ATXN10: variants seen among roughly 807,000 people sequenced by gnomAD.
The protein encoded by ATXN10 is ataxin 10, also known as ataxin-10.
Under a neutral mutation model 52.9 loss-of-function variants are expected in ATXN10, and 28 were observed. The observed-to-expected ratio is 0.53, with a 90% CI of 0.39 to 0.73. The LOEUF (loss-of-function observed/expected upper bound fraction) is 0.73, where lower values mean the gene tolerates loss of function less well. Ranked by LOEUF, ATXN10 falls within the 30% of genes least tolerant of loss-of-function variation. ATXN10 has a pLI of 0.00. For missense variants in ATXN10, 565 were observed against 577.0 expected (o/e 0.98, Z 0.21); for synonymous variants, 226 against 221.5 (o/e 1.02, Z -0.18).
At chr22:45,765,746 A>C (rs1224762141) in intron 9 of ATXN10, among the ~76,000 whole-genome samples, 2 of 152,200 alleles carry the variant, frequency 1.3e-5, no homozygotes, top group Non-Finnish European at 2.9e-5. Context: ...AGCCTACCTG[A>C]AAATTGTCCC....
At position 45,790,526 on chromosome 22, in the gene ATXN10, G is replaced by A. The variant is rs1927472401; in HGVS notation, c.1174-16433G>A. Among the ~76,000 whole-genome samples the A allele has an allele frequency of 6.6e-6, 1 of 152,204 alleles. No individual in the cohort carries two copies. Among genetic ancestry groups the A allele is most frequent in the African/African-American group, 2.4e-5 (1 of 41,456 alleles). On this transcript the variant is annotated intron_variant, in intron 9 of 11. Coordinates refer to ENST00000252934, the MANE Select transcript of ATXN10 (RefSeq NM_013236.4). The surrounding 1 kb of genome is among the most constrained non-coding windows in gnomAD (Gnocchi z 4.7). ...CCATAGCAGAAAGTCTGTGATATCT[G>A]AGGGAAAGATGGAGAAAGTCTTCAT...
In ATXN10 at chr22:45,743,284, C is replaced by G. The variant is rs1395659356; in HGVS notation, c.1173+2746C>G. On this transcript the variant is annotated intron_variant, in intron 9 of 11. Coordinates refer to ENST00000252934, the MANE Select transcript of ATXN10 (RefSeq NM_013236.4). ...ACGTGTGTCAACAAAAGGCCTGAACCTGAAAGCATTACCTCTGGGATTTTT... is the reference window on the plus strand; with the variant it reads ...ACGTGTGTCAACAAAAGGCCTGAACGTGAAAGCATTACCTCTGGGATTTTT... Among the ~76,000 whole-genome samples, 10 of 152,338 alleles carry G rather than the reference C, an allele frequency of 6.6e-5. No individual in the cohort carries two copies. In the East Asian group the frequency reaches 1.9e-3, roughly 29 times the overall value.
At chr22:45,801,349 T>A (rs185504735) in intron 9 of ATXN10, among the ~76,000 whole-genome samples, 7 of 152,332 alleles carry the variant, frequency 4.6e-5, no homozygotes, top group Admixed American at 3.9e-4. Context: ...CTGAGTTTTC[T>A]CTCTAGAGAG....
In ATXN10 at chr22:45,690,568, G is replaced by A. The variant is rs1054789061; in HGVS notation, c.308+665G>A. Reference sequence around the variant, plus strand: ...TATATGCAGTTCTTGACCTCAGGTTGTAAATGTTTTAATTACTTTTAATGT... The same window carrying A: ...TATATGCAGTTCTTGACCTCAGGTTATAAATGTTTTAATTACTTTTAATGT... On this transcript the variant is annotated intron_variant, in intron 2 of 11. Coordinates refer to ENST00000252934, the MANE Select transcript of ATXN10 (RefSeq NM_013236.4). This position sits in a 1 kb window ranked among gnomAD's most constrained non-coding sequence, Gnocchi z 4.5. 4.6e-5 allele frequency among the ~76,000 whole-genome samples: 7 copies of A among 152,266 alleles called. No individual in the cohort carries two copies. The highest frequency in any genetic ancestry group is 1.9e-4 in the East Asian group (1 of 5,192).
In ATXN10 at chr22:45,705,284, G is replaced by A. The variant is rs1923995455; in HGVS notation, c.647+2437G>A. Among the ~76,000 whole-genome samples, 1 of 152,018 alleles carries A rather than the reference G, an allele frequency of 6.6e-6. No individual in the cohort carries two copies. The highest frequency in any genetic ancestry group is 6.5e-5 in the Admixed American group (1 of 15,268). ...GTAAATACTGACTTTACAGAATGAG[G>A]TCTTGTTTTGTTTTGTTTTTGGAAG... On this transcript the variant is annotated intron_variant, in intron 5 of 11. Transcript: ENST00000252934. The surrounding 1 kb of genome is among the most constrained non-coding windows in gnomAD (Gnocchi z 5.2).
rs1264156289 is a variant in ATXN10 at position 45,823,122 on chromosome 22, A to G, written c.1237+16100A>G. ...TACATCTTGACATAAGTACAGATGTATGTACGCATCACCCAGATGGAAATA... is the reference window on the plus strand; with the variant it reads ...TACATCTTGACATAAGTACAGATGTGTGTACGCATCACCCAGATGGAAATA... On this transcript the variant is annotated intron_variant, in intron 10 of 11. Transcript: ENST00000252934. The surrounding 1 kb of genome is among the most constrained non-coding windows in gnomAD (Gnocchi z 4.9). 2.1e-6 allele frequency: 1 copy of G among 471,682 alleles called. No homozygotes were observed. The highest frequency in any genetic ancestry group is 2.3e-5 in the Admixed American group (1 of 42,556). 29.2% of individuals were successfully genotyped at this position (471,682 alleles called of 1,614,324 possible).
In ATXN10 at chr22:45,818,328, C is replaced by T. The variant is rs1157774786; in HGVS notation, c.1237+11306C>T. Among the ~76,000 whole-genome samples, 2 of 152,208 alleles carry T rather than the reference C, an allele frequency of 1.3e-5. No individual in the cohort carries two copies. Among genetic ancestry groups the T allele is most frequent in the Non-Finnish European group, 1.5e-5 (1 of 68,050 alleles). On this transcript the variant is annotated intron_variant, in intron 10 of 11. Coordinates refer to ENST00000252934, the MANE Select transcript of ATXN10 (RefSeq NM_013236.4). The surrounding 1 kb of genome is among the most constrained non-coding windows in gnomAD (Gnocchi z 4.6). Reference sequence around the variant, plus strand: ...AGCCATGGTCACTGCGTCCCTCTCTCTGCCTCAGGCCTCTGTGTTCCTGCA... The same window carrying T: ...AGCCATGGTCACTGCGTCCCTCTCTTTGCCTCAGGCCTCTGTGTTCCTGCA...
intron 1 of ATXN10, chr22:45,689,511 A>G: frequency 3.3e-6 from 2 of 603,126 alleles, no homozygotes; most frequent in East Asian, 2.8e-5. Flanking sequence ...ATAATACATG[A>G]GAAGTGACAA....
In ATXN10 at chr22:45,789,071, G is replaced by T. The variant is rs1285699131; in HGVS notation, c.1174-17888G>T. Reference sequence around the variant, plus strand: ...GCTCCCCAGGAGATGCAGATTGACAGTAAGGATGGAAAGTCACTGCTCTGT... The same window carrying T: ...GCTCCCCAGGAGATGCAGATTGACATTAAGGATGGAAAGTCACTGCTCTGT... On this transcript the variant is annotated intron_variant, in intron 9 of 11. Coordinates refer to ENST00000252934, the MANE Select transcript of ATXN10 (RefSeq NM_013236.4). This position sits in a 1 kb window ranked among gnomAD's most constrained non-coding sequence, Gnocchi z 4.0. Among the ~76,000 whole-genome samples the T allele has an allele frequency of 6.6e-6, 1 of 152,140 alleles. No homozygotes were observed. Among genetic ancestry groups the T allele is most frequent in the African/African-American group, 2.4e-5 (1 of 41,414 alleles).
At chr22:45,800,918 A>G (rs911919293) in intron 9 of ATXN10, among the ~76,000 whole-genome samples, 10 of 152,216 alleles carry the variant, frequency 6.6e-5, no homozygotes, top group African/African-American at 2.4e-4. Context: ...GTGATTGCAG[A>G]GCTGCGCAAG....
rs189590611 is a variant in ATXN10 at position 45,764,679 on chromosome 22, A to G, written c.1173+24141A>G. ...AAAGCAAAATTTGAACACCCAAAGA[A>G]TTTATTCAGAACGGTGTAAAATGAG... On this transcript the variant is annotated intron_variant, in intron 9 of 11. Transcript: ENST00000252934. Among the ~76,000 whole-genome samples, 9 of 152,334 alleles carry G rather than the reference A, an allele frequency of 5.9e-5. No homozygotes were observed. The East Asian group carries it at 1.3e-3, about 23-fold the overall frequency.
rs1290809680 is a variant in ATXN10 at position 45,843,642 on chromosome 22, C to T, written c.1426-27C>T. 8.1e-6 allele frequency: 13 copies of T among 1,610,384 alleles called. No homozygotes were observed. The highest frequency in any genetic ancestry group is 1.1e-5 in the South Asian group (1 of 90,674). ...CTTGTGAACAGATTTGCTACATCTGCAATTTTGTTTCTTTCTTCTTCTTTA... is the reference window on the plus strand; with the variant it reads ...CTTGTGAACAGATTTGCTACATCTGTAATTTTGTTTCTTTCTTCTTCTTTA... On this transcript the variant is annotated intron_variant, in intron 11 of 11. Transcript: ENST00000252934. This position sits in a 1 kb window ranked among gnomAD's most constrained non-coding sequence, Gnocchi z 4.5.
intron 9 of ATXN10, among the ~76,000 whole-genome samples, chr22:45,765,829 A>C (rs1224040858): frequency 6.6e-6 from 1 of 152,150 alleles, no homozygotes; most frequent in African/African-American, 2.4e-5. Flanking sequence ...TTAATTTACA[A>C]ATTTAATATG....
intron 10 of ATXN10, chr22:45,811,631 A>T: frequency 2.2e-6 from 1 of 446,194 alleles, no homozygotes. Flanking sequence ...GTTACTAGGT[A>T]ATATAGCCTA....
intron 7 of ATXN10, among the ~76,000 whole-genome samples, chr22:45,736,473 A>ATAAGGT (rs1386915348): frequency 6.8e-6 from 1 of 147,456 alleles, no homozygotes; most frequent in African/African-American, 2.7e-5. Context: ...CACCTTACAG[A>ATAAGGT]TAAGGGCCAC....
rs1272185374 is a variant in ATXN10 at position 45,772,728 on chromosome 22, A to T, written c.1173+32190A>T. Among the ~76,000 whole-genome samples the T allele has an allele frequency of 6.6e-6, 1 of 152,168 alleles. No individual in the cohort carries two copies. Among genetic ancestry groups the T allele is most frequent in the South Asian group, 2.1e-4 (1 of 4,830 alleles). Reference sequence around the variant, plus strand: ...ATTTAGATCTTCTCTGATGTCTTTCATCAGTGTTTTCTCATTTTCAGCATG... The same window carrying T: ...ATTTAGATCTTCTCTGATGTCTTTCTTCAGTGTTTTCTCATTTTCAGCATG... On this transcript the variant is annotated intron_variant, in intron 9 of 11. Coordinates refer to ENST00000252934, the MANE Select transcript of ATXN10 (RefSeq NM_013236.4). This position sits in a 1 kb window ranked among gnomAD's most constrained non-coding sequence, Gnocchi z 4.1.
At chr22:45,725,453 T>G (rs56720679) in intron 6 of ATXN10, among the ~76,000 whole-genome samples, 2,431 of 151,926 alleles carry the variant, frequency 0.016, 83 homozygotes, top group African/African-American at 0.056. Context: ...GTTCTTGATT[T>G]GTTTCTCAGC....
At chr22:45,788,917 A>C (rs149882187) in intron 9 of ATXN10, among the ~76,000 whole-genome samples, 1,798 of 152,244 alleles carry the variant, frequency 0.012, 34 homozygotes, top group African/African-American at 0.041. Context: ...CGAAAGCACT[A>C]GGATTACAGG....
At chr22:45,765,928 C>G (rs1032539573) in intron 9 of ATXN10, among the ~76,000 whole-genome samples, 5 of 152,010 alleles carry the variant, frequency 3.3e-5, no homozygotes, top group African/African-American at 1.2e-4. Context: ...CCAGGAAATT[C>G]CCTGAAAAAG....
Sources: allele counts gnomAD v4.1 joint callset (sites outside exome capture counted in the v4.1 genomes callset), GRCh38; gene constraint gnomAD v4.1.1; non-coding constraint Gnocchi (gnomAD v3.1); transcripts MANE v1.5; gene names NCBI Gene and HGNC (gene_info 2026-07-23, HGNC 2026-07-21).